The following PCDH15 variants were observed in gnomAD, a reference collection of about 807,000 sequenced individuals.
PCDH15 encodes the protein protocadherin related 15.
PCDH15 carries 129 observed loss-of-function variants against 178.5 expected under a neutral mutation model. The observed-to-expected ratio is 0.72, with a 90% confidence interval of 0.63 to 0.84. PCDH15 has a LOEUF of 0.84. PCDH15 is among the 40% of genes least tolerant of loss of function. The probability of loss-of-function intolerance (pLI) is 0.00; values close to 1 mark genes in which losing one functional copy is unlikely to be tolerated. For missense variants in PCDH15, 2,230 were observed against 2,099.9 expected, an observed-to-expected ratio of 1.06 and a Z score of -1.21; for synonymous variants, 800 against 732.0, an observed-to-expected ratio of 1.09 and a Z score of -1.50.
At chr10:54,204,362 AAAAGAG>A (rs999714285) in intron 10 of PCDH15, among the ~76,000 whole-genome samples, 12 of 52,862 alleles carry the variant, frequency 2.3e-4, no homozygotes, top group Non-Finnish European at 3.7e-4. Flanking sequence ...TGCAAAAAAA[AAAAGAG>A]AAAAGTAATC....
At chr10:54,347,307 A>G (rs911892875) in intron 5 of PCDH15, among the ~76,000 whole-genome samples, 2 of 152,068 alleles carry the variant, frequency 1.3e-5, no homozygotes, top group African/African-American at 4.8e-5. Flanking sequence ...ACTTAATTAG[A>G]TATCAGCTTC....
At chr10:53,893,413 A>G (rs1266587948) in intron 26 of PCDH15, among the ~76,000 whole-genome samples, 3 of 152,258 alleles carry the variant, frequency 2.0e-5, no homozygotes, top group Non-Finnish European at 4.4e-5. Flanking sequence ...AACATATGTT[A>G]AACAGGTTAA....
intron 2 of PCDH15, among the ~76,000 whole-genome samples, chr10:55,606,319 G>T: frequency 7.9e-6 from 1 of 126,114 alleles, no homozygotes; most frequent in Non-Finnish European, 1.6e-5. Flanking sequence ...TGGCCATACT[G>T]CCCAAGGTAA....
At chr10:55,237,029 C>G (rs547277154) in intron 1 of PCDH15, among the ~76,000 whole-genome samples, 8 of 152,206 alleles carry the variant, frequency 5.3e-5, no homozygotes, top group African/African-American at 1.9e-4. Flanking sequence ...ACATATCAAA[C>G]AGGCTAGTGT....
intron 2 of PCDH15, among the ~76,000 whole-genome samples, chr10:55,153,348 C>G (rs1364684156): frequency 6.6e-6 from 1 of 152,094 alleles, no homozygotes; most frequent in Non-Finnish European, 1.5e-5. Context: ...AAGTTGCTCA[C>G]CTTGACACGG....
intron 2 of PCDH15, among the ~76,000 whole-genome samples, chr10:55,443,289 G>A (rs1180589870): frequency 6.6e-6 from 1 of 152,026 alleles, no homozygotes; most frequent in African/African-American, 2.4e-5. Flanking sequence ...ATTGACAAAC[G>A]GGATTTAATT....
intron 3 of PCDH15, among the ~76,000 whole-genome samples, chr10:54,390,998 T>G (rs1036874283): frequency 6.6e-6 from 1 of 152,150 alleles, no homozygotes; most frequent in African/African-American, 2.4e-5. Flanking sequence ...ACACTTATAA[T>G]CATAAAAAGA....
intron 2 of PCDH15, among the ~76,000 whole-genome samples, chr10:55,410,813 A>G (rs1473959948): frequency 6.6e-6 from 1 of 151,486 alleles, no homozygotes; most frequent in Non-Finnish European, 1.5e-5. Flanking sequence ...CTCTTGTGCC[A>G]CTCCCAGTCC....
chr10:55,133,720 G>T (rs1336930096), intron 2 of PCDH15, among the ~76,000 whole-genome samples: 1 of 152,032 alleles, frequency 6.6e-6, no homozygotes, highest in Non-Finnish European at 1.5e-5. Flanking sequence ...TATCTATTTT[G>T]GTTTTTGGCA....
intron 2 of PCDH15, among the ~76,000 whole-genome samples, chr10:54,624,931 T>A (rs2134536938): frequency 6.6e-6 from 1 of 152,328 alleles, no homozygotes; most frequent in African/African-American, 2.4e-5. Context: ...TATGGTGAGT[T>A]ATATAATTAT....
chr10:55,243,681 A>C (rs1203861155), intron 1 of PCDH15, among the ~76,000 whole-genome samples: 2 of 152,218 alleles, frequency 1.3e-5, no homozygotes, highest in African/African-American at 4.8e-5. Context: ...TGAATAATTA[A>C]CTGACAATAA....
At position 54,780,979 on chromosome 10, in the gene PCDH15, G is replaced by A. The variant is rs528013568; in HGVS notation, c.-29+19946C>T. On this transcript the variant is annotated intron_variant, in intron 1 of 37. Transcript: ENST00000644397. ...ACAGTAATGTGGGAGAAAATGACAC[G>A]CACAGCCTATGGTAAGGGATAAGAG... 2.2e-3 allele frequency among the ~76,000 whole-genome samples: 342 copies of A among 152,084 alleles called. 2 individuals carry two copies. Among genetic ancestry groups the A allele is most frequent in the African/African-American group, 6.5e-3 (269 of 41,528 alleles).
chr10:54,122,445 G>T (rs2041616652), intron 15 of PCDH15, among the ~76,000 whole-genome samples: 1 of 151,976 alleles, frequency 6.6e-6, no homozygotes, highest in Admixed American at 6.6e-5. Flanking sequence ...CATTCCTCTT[G>T]GAAGTGGATC....
chr10:54,643,503 C>G (rs2094043494), intron 2 of PCDH15, among the ~76,000 whole-genome samples: 1 of 152,096 alleles, frequency 6.6e-6, no homozygotes, highest in Non-Finnish European at 1.5e-5. Flanking sequence ...ACATATAGTA[C>G]TGTGAAAGGA....
chr10:54,845,991 G>C (rs564740570), intron 3 of PCDH15, among the ~76,000 whole-genome samples: 2 of 151,870 alleles, frequency 1.3e-5, no homozygotes, highest in African/African-American at 4.8e-5. Context: ...CTTAAAAAGC[G>C]CATAATTTAT....
At chr10:55,625,339 A>T (rs1489142987) in intron 2 of PCDH15, among the ~76,000 whole-genome samples, 2 of 152,194 alleles carry the variant, frequency 1.3e-5, no homozygotes, top group African/African-American at 4.8e-5. Flanking sequence ...AATTTCAAAA[A>T]GATAAATACT....
chr10:54,228,518 C>A (rs1408521993), intron 9 of PCDH15, among the ~76,000 whole-genome samples: 1 of 152,102 alleles, frequency 6.6e-6, no homozygotes, highest in Non-Finnish European at 1.5e-5. Context: ...GTTATGAATG[C>A]TAAGAGCATC....
upstream of PCDH15, among the ~76,000 whole-genome samples, chr10:55,321,169 A>C (rs142367049): frequency 2.8e-3 from 420 of 152,262 alleles, 1 homozygote; most frequent in Non-Finnish European, 4.4e-3. Flanking sequence ...CTACTCTGAT[A>C]GAGTTGAAAA....
chr10:53,818,473 A>T (rs2132448082), intron 33 of PCDH15: 1 of 152,336 alleles, frequency 6.6e-6, no homozygotes, highest in South Asian at 2.1e-4. Flanking sequence ...CTTCCAAATG[A>T]TTGTATGATA....
Sources: allele counts gnomAD v4.1 joint callset (sites outside exome capture counted in the v4.1 genomes callset), GRCh38; gene constraint gnomAD v4.1.1; transcripts MANE v1.5; gene names NCBI Gene and HGNC (gene_info 2026-07-23, HGNC 2026-07-21).